The following GTPBP6 variants were observed in gnomAD, a reference collection of about 807,000 sequenced individuals.
The protein encoded by GTPBP6 is GTP binding protein 6, also known as putative GTP-binding protein 6.
Under a neutral mutation model 28.9 loss-of-function variants are expected in GTPBP6, and 33 were observed. That is an observed-to-expected ratio of 1.14 (90% CI 0.87 to 1.53). GTPBP6 has a LOEUF of 1.53. Ranked by LOEUF, GTPBP6 falls within the 40% of genes most tolerant of loss-of-function variation. The pLI is 0.00. For synonymous variants in GTPBP6, 231 were observed against 192.7 expected (o/e 1.20, Z -1.65); for missense variants, 507 against 408.3 (o/e 1.24, Z -2.08).
At chrX:311,775 G>C in intron 6 of GTPBP6, 148 bp from the exon 7 acceptor site, 1 of 677,122 alleles carries the variant, frequency 1.5e-6, no homozygotes, top group Admixed American at 2.3e-5. Flanking sequence ...GGGCACCCCG[G>C]GCCAGACCCG....
At chrX:308,007 T>C (rs1356258298) in intron 7 of GTPBP6, 127 bp from the exon 8 acceptor site, 18 of 799,108 alleles carry the variant, frequency 2.3e-5, no homozygotes, top group Admixed American at 1.1e-4. Context: ...GGTACGCCTG[T>C]GTGCAGGCCC....
rs1208569686 is a variant in GTPBP6, at chrX:315,312, G to C, written c.488-13C>G. 1 of 398,478 alleles carries C rather than the reference G, an allele frequency of 2.5e-6. No individual in the cohort carries two copies. Among genetic ancestry groups the C allele is most frequent in the Admixed American group, 4.4e-5 (1 of 22,734 alleles). 24.7% of individuals were successfully genotyped at this position (398,478 alleles called of 1,614,324 possible). Reference sequence around the variant, plus strand: ...CCTCGGATCTTTTCTAACAGAAAGAGGGGGTCCCGTCAGAGGCTGGCCGTC... The same window carrying C: ...CCTCGGATCTTTTCTAACAGAAAGACGGGGTCCCGTCAGAGGCTGGCCGTC... On this transcript the variant is annotated splice_polypyrimidine_tract_variant and intron_variant, in intron 2 of 9. Coordinates refer to ENST00000326153, the Ensembl canonical transcript of GTPBP6.
chrX:305,122 G>C (rs758176788), exon 10 of GTPBP6: 1 of 1,613,518 alleles, frequency 6.2e-7, no homozygotes, highest in Non-Finnish European at 8.5e-7. Context: ...AGTTGCTGAT[G>C]ATGACCCTCA....
exon 5 of GTPBP6, chrX:314,167 C>T (rs368127298): frequency 1.6e-4 from 259 of 1,612,762 alleles, no homozygotes; most frequent in Admixed American, 1.1e-3. Context: ...CATGATGTAG[C>T]GCGAGCCGAC....
intron 7 of GTPBP6, among the ~76,000 whole-genome samples, chrX:309,525 G>A (rs1256601404): frequency 6.6e-6 from 1 of 152,204 alleles, no homozygotes; most frequent in South Asian, 2.1e-4. Flanking sequence ...TGGAAATGGA[G>A]TTTTTGCAGA....
At chrX:307,841 C>T in exon 8 of GTPBP6, 1 of 1,544,902 alleles carries the variant, frequency 6.5e-7, no homozygotes, top group Admixed American at 2.1e-5. Flanking sequence ...TGGAGCTCCG[C>T]CTCGGGGTGG....
chrX:312,802 A>C (rs777311366), exon 6 of GTPBP6: 3 of 1,612,066 alleles, frequency 1.9e-6, no homozygotes, highest in Non-Finnish European at 2.5e-6. Context: ...ATCACGGGGA[A>C]CTCCCGCCTC....
At chrX:308,107 C>A (rs2070211356) in intron 7 of GTPBP6, among the ~76,000 whole-genome samples, 1 of 151,598 alleles carries the variant, frequency 6.6e-6, no homozygotes, top group Admixed American at 6.6e-5. Context: ...CCACAGGCAG[C>A]AGCTCCGCAC....
At chrX:314,537 A>ACAG (rs2070390347) in intron 4 of GTPBP6, among the ~76,000 whole-genome samples, 2 of 150,110 alleles carry the variant, frequency 1.3e-5, no homozygotes, top group Admixed American at 6.6e-5. Context: ...CAGTGGCGTG[A>ACAG]TCTCGGCTCA....
intron 6 of GTPBP6, chrX:311,932 A>C (rs2070309567): frequency 5.2e-6 from 3 of 580,950 alleles, no homozygotes; most frequent in Non-Finnish European, 9.3e-6. Flanking sequence ...GCAATGGCGT[A>C]GATGGTGGGA....
intron 9 of GTPBP6, among the ~76,000 whole-genome samples, chrX:306,255 T>C (rs1451560923): frequency 6.7e-6 from 1 of 148,576 alleles, no homozygotes; most frequent in East Asian, 1.9e-4. Flanking sequence ...CAGTCAGAAA[T>C]GTACATTTTG....
Position 307,516 on chromosome X carries a change from C to G in GTPBP6, c.1275-4G>C, listed in dbSNP as rs1569347054. ...GTTCGGTTCCGTGGGGCTGTACCTG[C>G]AAGGGTGGGGATGTCACAGGCCCCG... On this transcript the variant is annotated splice_polypyrimidine_tract_variant and splice_region_variant and intron_variant, in intron 8 of 9. Transcript: ENST00000326153. The G allele has an allele frequency of 1.9e-6, 3 of 1,610,462 alleles. No individual in the cohort carries two copies. The highest frequency in any genetic ancestry group is 2.5e-6 in the Non-Finnish European group (3 of 1,179,364).
chrX:318,496 C>A, exon 1 of GTPBP6: 2 of 398,478 alleles, frequency 5.0e-6, no homozygotes, highest in Non-Finnish European at 8.9e-6. Flanking sequence ...ACCAGACACA[C>A]GCGCTGGGTC....
At chrX:308,418 T>C (rs1249692985) in intron 7 of GTPBP6, among the ~76,000 whole-genome samples, 1 of 152,164 alleles carries the variant, frequency 6.6e-6, no homozygotes, top group Admixed American at 6.5e-5. Context: ...ATGCACTTAA[T>C]ACAAATAATA....
At chrX:312,119 G>A (rs2070314431) in intron 6 of GTPBP6, 1 of 466,276 alleles carries the variant, frequency 2.1e-6, no homozygotes, top group Non-Finnish European at 4.3e-6. Flanking sequence ...TAGACGGGTG[G>A]TGGTATAGAT....
intron 5 of GTPBP6, 126 bp downstream of exon 5, chrX:314,024 C>G: frequency 1.3e-6 from 1 of 797,902 alleles, no homozygotes; most frequent in Non-Finnish European, 2.2e-6. Flanking sequence ...TCCTCAAATG[C>G]TACCAGGAGA....
chrX:307,175 G>C (rs761395499), intron 9 of GTPBP6, among the ~76,000 whole-genome samples, 185 bp downstream of exon 9: 113 of 125,168 alleles, frequency 9.0e-4, no homozygotes, highest in African/African-American at 6.1e-3. Context: ...CTCAAGCGCA[G>C]ATTAGGCACC....
intron 5 of GTPBP6, among the ~76,000 whole-genome samples, chrX:313,510 G>A (rs1175180852): frequency 6.6e-6 from 1 of 151,766 alleles, no homozygotes. Flanking sequence ...ATTGAACTGT[G>A]GTCCTCCTAA....
At chrX:311,482 G>A (rs186241036) in exon 7 of GTPBP6, 1 of 1,604,322 alleles carries the variant, frequency 6.2e-7, no homozygotes, top group Non-Finnish European at 8.5e-7. Context: ...GCAGCTGGGA[G>A]AGGAAGCCGA....
Sources: gnomAD v4.1 joint callset for allele counts (sites outside exome capture counted in the v4.1 genomes callset) on GRCh38, gnomAD v4.1.1 for gene constraint, MANE v1.5 for transcripts, NCBI Gene and HGNC (gene_info 2026-07-23, HGNC 2026-07-21) for gene names.